Variants in GPHN observed in about 807,000 individuals in gnomAD.
GPHN encodes the protein gephyrin.
GPHN carries 17 observed loss-of-function variants against 95.5 expected under a neutral mutation model. That is an observed-to-expected ratio of 0.18 (90% confidence interval 0.12 to 0.27). GPHN has a LOEUF of 0.27. Ranked by LOEUF, GPHN falls within the 10% of genes least tolerant of loss-of-function variation. GPHN has a pLI of 1.00. For synonymous variants in GPHN, 320 were observed against 322.5 expected (o/e 0.99, Z 0.08); for missense variants, 660 against 978.1 (o/e 0.67, Z 4.34).
At chr14:67,225,238 A>T in the GPHN span, 2 of 1,521,940 alleles carry the variant, frequency 1.3e-6, no homozygotes, top group South Asian at 1.3e-5. Context: ...GACAAAGTTG[A>T]TGGAAAAACA....
the GPHN span, among the ~76,000 whole-genome samples, chr14:67,512,255 C>T: frequency 6.6e-6 from 1 of 152,180 alleles, no homozygotes. Flanking sequence ...TGCCCCCCTC[C>T]TACCCCTTCC....
the GPHN span, chr14:67,221,668 C>G: frequency 2.0e-6 from 3 of 1,507,678 alleles, no homozygotes; most frequent in Non-Finnish European, 2.7e-6. Context: ...TGTTTCATTA[C>G]TACCCACAGA....
chr14:67,238,446 T>C, the GPHN span, among the ~76,000 whole-genome samples: 8 of 152,026 alleles, frequency 5.3e-5, no homozygotes, highest in Admixed American at 5.2e-4. Context: ...TTGTTAAATT[T>C]TTTTGTAGAG....
intron 9 of GPHN, among the ~76,000 whole-genome samples, chr14:66,988,153 C>T (rs1273120526): frequency 7.9e-5 from 12 of 151,874 alleles, no homozygotes; most frequent in Non-Finnish European, 1.8e-4. Context: ...CGGCTTCATG[C>T]TCCCATTTAT....
At chr14:67,678,318 C>T in the GPHN span, 6 of 1,596,460 alleles carry the variant, frequency 3.8e-6, no homozygotes, top group Non-Finnish European at 5.2e-6. Context: ...CTGGCACTGC[C>T]TGTTAGTCTA....
At chr14:66,842,235 G>A (rs1392052332) in intron 4 of GPHN, among the ~76,000 whole-genome samples, 1 of 152,110 alleles carries the variant, frequency 6.6e-6, no homozygotes, top group Non-Finnish European at 1.5e-5. Flanking sequence ...ATTACTATTT[G>A]TTGATTGATA....
intron 5 of GPHN, among the ~76,000 whole-genome samples, chr14:66,900,649 T>G (rs1362879185): frequency 3.3e-5 from 5 of 152,008 alleles, no homozygotes; most frequent in African/African-American, 1.2e-4. Context: ...ACATTCTTCC[T>G]TCTGTGCTTG....
At chr14:67,397,831 G>A in the GPHN span, 3 of 1,604,490 alleles carry the variant, frequency 1.9e-6, no homozygotes, top group Middle Eastern at 1.7e-4. Flanking sequence ...GTGGCCCTAT[G>A]GACAGACAAG....
chr14:66,720,838 C>T (rs1023882232), intron 2 of GPHN, among the ~76,000 whole-genome samples: 1 of 152,054 alleles, frequency 6.6e-6, no homozygotes, highest in Non-Finnish European at 1.5e-5. Context: ...GCACTCTTGC[C>T]TTATTGATGG....
At chr14:67,338,352 AAC>A in the GPHN span, 1 of 329,076 alleles carries the variant, frequency 3.0e-6, no homozygotes. Context: ...GATCACGTGT[AAC>A]ACAGATGTAA....
chr14:67,442,069 A>G, the GPHN span: 2 of 152,750 alleles, frequency 1.3e-5, no homozygotes, highest in Non-Finnish European at 2.9e-5. Flanking sequence ...CTATAATAGT[A>G]ATGAATACAT....
the GPHN span, among the ~76,000 whole-genome samples, chr14:67,511,132 C>T: frequency 2.6e-5 from 4 of 152,080 alleles, no homozygotes; most frequent in Admixed American, 6.5e-5. Flanking sequence ...ACAGGGGTGC[C>T]TCTTAATAAC....
At chr14:67,130,748 G>A (rs1441233951) in intron 17 of GPHN, among the ~76,000 whole-genome samples, 1 of 152,078 alleles carries the variant, frequency 6.6e-6, no homozygotes, top group African/African-American at 2.4e-5. Context: ...TCTTTTCTCT[G>A]CAGCCTCACC....
intron 4 of GPHN, among the ~76,000 whole-genome samples, chr14:66,873,492 C>T (rs574141180): frequency 1.7e-4 from 26 of 152,332 alleles, no homozygotes; most frequent in Middle Eastern, 3.4e-3. Context: ...ACACAGAACC[C>T]AGCAAGCTAA....
the GPHN span, chr14:67,571,789 A>G: frequency 6.2e-7 from 1 of 1,613,880 alleles, no homozygotes; most frequent in Non-Finnish European, 8.5e-7. Context: ...TTTATGGACG[A>G]GTCCTCTGGG....
intron 3 of GPHN, among the ~76,000 whole-genome samples, chr14:66,796,640 A>G (rs2060167410): frequency 6.6e-6 from 1 of 151,552 alleles, no homozygotes; most frequent in Non-Finnish European, 1.5e-5. Flanking sequence ...TTTGCCATTT[A>G]TATCAAATAT....
the GPHN span, among the ~76,000 whole-genome samples, chr14:67,192,910 A>G: frequency 7.5e-6 from 1 of 133,674 alleles, no homozygotes; most frequent in African/African-American, 2.8e-5. Flanking sequence ...CTAGATATAT[A>G]TAGATATATA....
chr14:67,505,217 A>G, the GPHN span, among the ~76,000 whole-genome samples: 3 of 152,112 alleles, frequency 2.0e-5, no homozygotes, highest in Admixed American at 6.5e-5. Context: ...GAATGGGCAG[A>G]GACTGGGGAA....
chr14:66,995,982 G>C (rs570911819), intron 9 of GPHN, among the ~76,000 whole-genome samples: 1 of 152,152 alleles, frequency 6.6e-6, no homozygotes, highest in African/African-American at 2.4e-5. Flanking sequence ...TTTTTAGCAA[G>C]GTATTTTTTG....
Sources: gnomAD v4.1 joint callset for allele counts (sites outside exome capture counted in the v4.1 genomes callset) on GRCh38, gnomAD v4.1.1 for gene constraint, MANE v1.5 for transcripts, NCBI Gene and HGNC (gene_info 2026-07-23, HGNC 2026-07-21) for gene names.